Variants in ITPRID1 observed in about 807,000 individuals in gnomAD.
ITPRID1 encodes protein ITPRID1.
Under a neutral mutation model 95.4 loss-of-function variants are expected in ITPRID1, and 96 were observed. The observed-to-expected ratio is 1.01, with a 90% confidence interval of 0.85 to 1.19. The LOEUF (loss-of-function observed/expected upper bound fraction) is 1.19, where lower values mean the gene tolerates loss of function less well. ITPRID1 is among the 50% of genes most tolerant of loss of function. The pLI, the probability that ITPRID1 is intolerant of heterozygous loss-of-function variation, is 0.00. For synonymous variants in ITPRID1, 510 were observed against 453.6 expected, an observed-to-expected ratio of 1.12 and a Z score of -1.58; for missense variants, 1,339 against 1,252.9, an observed-to-expected ratio of 1.07 and a Z score of -1.04.
intron 5 of ITPRID1, among the ~76,000 whole-genome samples, chr7:31,567,867 T>TGTA (rs1322539203): frequency 6.6e-6 from 1 of 152,208 alleles, no homozygotes; most frequent in African/African-American, 2.4e-5. Context: ...GGCTCATGCC[T>TGTA]GTAGTCCCAG....
intron 1 of ITPRID1, among the ~76,000 whole-genome samples, chr7:31,530,660 A>G (rs964861561): frequency 3.3e-5 from 5 of 152,134 alleles, no homozygotes; most frequent in African/African-American, 1.2e-4. Context: ...CTCACTGTAA[A>G]CTTTCACTGT....
chr7:31,604,928 G>A (rs1490642848), intron 10 of ITPRID1, among the ~76,000 whole-genome samples: 1 of 152,106 alleles, frequency 6.6e-6, no homozygotes, highest in Non-Finnish European at 1.5e-5. Context: ...CTGAGGTCAG[G>A]AGTTCAAGAC....
intron 12 of ITPRID1, among the ~76,000 whole-genome samples, chr7:31,649,667 A>G (rs1442815154): frequency 6.6e-6 from 1 of 152,204 alleles, no homozygotes; most frequent in African/African-American, 2.4e-5. Flanking sequence ...CCTAACAAGC[A>G]TTAATATTAC....
intron 1 of ITPRID1, among the ~76,000 whole-genome samples, chr7:31,535,367 T>G (rs764081939): frequency 1.5e-4 from 23 of 152,004 alleles, no homozygotes; most frequent in Admixed American, 3.9e-4. Context: ...TATTAACCAA[T>G]CCTTAGTCTT....
In ITPRID1 at chr7:31,651,131, A is replaced by G. The variant is rs539658826; in HGVS notation, c.2584-11A>G. 4 of 1,609,976 alleles carry G rather than the reference A, an allele frequency of 2.5e-6. No individual in the cohort carries two copies. The highest frequency in any genetic ancestry group is 1.7e-4 in the Middle Eastern group (1 of 6,026). ...AGGACTTTCTTCTCAGTTCTTTCTC[A>G]TTGTTCTCAGTGCACAGTCCATGAG... On this transcript the variant is annotated splice_polypyrimidine_tract_variant and intron_variant, in intron 12 of 14. Coordinates refer to ENST00000615280, the MANE Select transcript of ITPRID1 (RefSeq NM_001257967.3).
intron 1 of ITPRID1, among the ~76,000 whole-genome samples, chr7:31,530,420 G>A (rs1487594542): frequency 6.6e-6 from 1 of 152,216 alleles, no homozygotes; most frequent in Non-Finnish European, 1.5e-5. Flanking sequence ...AGAGTTGCCA[G>A]ATAAAATTTA....
intron 10 of ITPRID1, among the ~76,000 whole-genome samples, chr7:31,635,937 A>AT (rs985617947): frequency 3.3e-5 from 5 of 152,050 alleles, no homozygotes; most frequent in East Asian, 1.9e-4. Context: ...ACTTAAAATA[A>AT]TTTTTTTTAA....
At chr7:31,648,331 A>G (rs1242959692) in intron 12 of ITPRID1, among the ~76,000 whole-genome samples, 1 of 152,158 alleles carries the variant, frequency 6.6e-6, no homozygotes, top group East Asian at 1.9e-4. Context: ...ATTGTAAGAA[A>G]AAGAAGAAGA....
In ITPRID1 at chr7:31,612,052, T is replaced by G. The variant is rs567076485; in HGVS notation, c.1228+28861T>G. ...TCATTTTTATTCATTTTTTTTCTGT[T>G]TTTCCAGCTGGATAATTTTAATTGG... On this transcript the variant is annotated intron_variant, in intron 10 of 14. Transcript: ENST00000615280. Among the ~76,000 whole-genome samples, 26 of 152,120 alleles carry G rather than the reference T, an allele frequency of 1.7e-4. No individual in the cohort carries two copies. The South Asian group carries it at 4.8e-3, about 28-fold the overall frequency.
chr7:31,520,834 G>A (rs779107359), intron 1 of ITPRID1, among the ~76,000 whole-genome samples: 1 of 151,750 alleles, frequency 6.6e-6, no homozygotes, highest in East Asian at 1.9e-4. Context: ...CCTATATTAA[G>A]TTAAACATGA....
rs1785273021 is a variant in ITPRID1 at position 31,578,374 on chromosome 7, C to G, written c.1110C>G (p.Asn370Lys). The change falls in exon 9 of 15, where the codon AAC becomes AAG. Residue 370 changes from asparagine (N) to lysine (K), a missense_variant. Transcript: ENST00000615280. ...RTQKENLFQT[N>K]KLKSLSHLAG... is the part of the protein sequence containing the mutation. Reference sequence around the variant, plus strand: ...AGAAGGAGAACTTATTTCAGACTAACAAGCTCAAGAGCTTGTCTCATCTTG... The same window carrying G: ...AGAAGGAGAACTTATTTCAGACTAAGAAGCTCAAGAGCTTGTCTCATCTTG... 1 of 1,613,530 alleles carries G rather than the reference C, an allele frequency of 6.2e-7. No homozygotes were observed. Among genetic ancestry groups the G allele is most frequent in the African/African-American group, 1.3e-5 (1 of 74,884 alleles).
At chr7:31,529,062 T>C (rs964430938) in intron 1 of ITPRID1, among the ~76,000 whole-genome samples, 2 of 152,192 alleles carry the variant, frequency 1.3e-5, no homozygotes, top group South Asian at 2.1e-4. Context: ...GTCTCATCTC[T>C]CAACTAAAAT....
chr7:31,564,551 AC>A (rs1319819595), intron 5 of ITPRID1, among the ~76,000 whole-genome samples: 2 of 152,030 alleles, frequency 1.3e-5, no homozygotes, highest in African/African-American at 4.8e-5. Context: ...ATTGAGGAAG[AC>A]CCTAGCGAGC....
intron 10 of ITPRID1, among the ~76,000 whole-genome samples, chr7:31,610,419 CAG>C (rs1300158276): frequency 1.3e-5 from 2 of 151,732 alleles, no homozygotes; most frequent in Non-Finnish European, 1.5e-5. Flanking sequence ...TAATGGCAAA[CAG>C]AAATCCTATC....
At chr7:31,625,791 G>T (rs1266339812) in intron 10 of ITPRID1, among the ~76,000 whole-genome samples, 1 of 151,140 alleles carries the variant, frequency 6.6e-6, no homozygotes, top group Non-Finnish European at 1.5e-5. Context: ...AACAGTTAAA[G>T]AATTAGAATA....
At chr7:31,522,176 C>T (rs1783286165) in intron 1 of ITPRID1, among the ~76,000 whole-genome samples, 1 of 152,118 alleles carries the variant, frequency 6.6e-6, no homozygotes, top group Admixed American at 6.5e-5. Flanking sequence ...CGATGCTGCT[C>T]CCTATAGATC....
At position 31,652,527 on chromosome 7, in the gene ITPRID1, G is replaced by T; in HGVS notation, c.2833G>T (p.Val945Phe). The change falls in exon 15 of 15, where the codon GTT becomes TTT. Residue 945 changes from valine to phenylalanine, a missense_variant. Coordinates refer to ENST00000615280, the MANE Select transcript of ITPRID1 (RefSeq NM_001257967.3). ...IREGILLQLE[V>F]LTAEPPEHYS... is the part of the protein sequence containing the mutation. ...CTTGTTTTCCTTTTAGCAGCTGGAG[G>T]TTCTCACAGCAGAGCCACCTGAACA... The T allele has an allele frequency of 6.3e-7, 1 of 1,596,992 alleles. No homozygotes were observed. The highest frequency in any genetic ancestry group is 1.1e-5 in the South Asian group (1 of 88,778).
chr7:31,540,378 T>C (rs560573678), intron 1 of ITPRID1, among the ~76,000 whole-genome samples: 8 of 152,178 alleles, frequency 5.3e-5, no homozygotes, highest in East Asian at 1.9e-4. Context: ...TTTCAGTTCA[T>C]AGGGCTTCAG....
At chr7:31,632,139 A>G (rs1789059952) in intron 10 of ITPRID1, among the ~76,000 whole-genome samples, 1 of 152,134 alleles carries the variant, frequency 6.6e-6, no homozygotes, top group African/African-American at 2.4e-5. Context: ...TCAATTTCAG[A>G]ATGAAGATTA....
Sources: gnomAD v4.1 joint callset for allele counts (sites outside exome capture counted in the v4.1 genomes callset) on GRCh38, gnomAD v4.1.1 for gene constraint, MANE v1.5 for transcripts, NCBI Gene and HGNC (gene_info 2026-07-23, HGNC 2026-07-21) for gene names.